The following NCAPH variants were observed in gnomAD, a reference collection of about 807,000 sequenced individuals.
NCAPH encodes the protein condensin complex subunit 2.
A neutral mutation model predicts 85.5 loss-of-function variants in NCAPH; 38 were observed. The ratio of observed to expected loss-of-function variants is 0.44; its 90% CI spans 0.34 to 0.58. NCAPH has a LOEUF of 0.58. Ranked by LOEUF, NCAPH falls within the 20% of genes least tolerant of loss-of-function variation. The probability of loss-of-function intolerance (pLI) is 0.01; values close to 1 mark genes in which losing one functional copy is unlikely to be tolerated. For synonymous variants in NCAPH, 301 were observed against 335.1 expected (o/e 0.90, Z 1.11); for missense variants, 789 against 916.6 (o/e 0.86, Z 1.80).
chr2:96,369,781 CTTTT>C (rs2064748181), intron 17 of NCAPH, among the ~76,000 whole-genome samples: 1 of 152,190 alleles, frequency 6.6e-6, no homozygotes, highest in South Asian at 2.1e-4. Context: ...ACACGAGGTG[CTTTT>C]ACTTCACGGG....
Position 96,375,319 on chromosome 2 carries a change from T to A in NCAPH, c.*1968T>A, listed in dbSNP as rs1558807649. ...CCCTCATTACATGGTTGCTGTGGGCTATGTGTGCTGTGGTCTGAATGTTTG... is the reference window on the plus strand; with the variant it reads ...CCCTCATTACATGGTTGCTGTGGGCAATGTGTGCTGTGGTCTGAATGTTTG... On this transcript the variant is annotated 3_prime_UTR_variant, in exon 18 of 18. Coordinates refer to ENST00000240423, the MANE Select transcript of NCAPH (RefSeq NM_015341.5). Among the ~76,000 whole-genome samples the A allele has an allele frequency of 1.3e-5, 2 of 152,228 alleles. No homozygotes were observed. Among genetic ancestry groups the A allele is most frequent in the Non-Finnish European group, 2.9e-5 (2 of 68,042 alleles).
intron 4 of NCAPH, 56 bp from the exon 5 acceptor site, chr2:96,343,110 G>A: frequency 6.2e-7 from 1 of 1,601,042 alleles, no homozygotes; most frequent in Non-Finnish European, 8.5e-7. Flanking sequence ...TGTTTTACCT[G>A]TTCAGAAGTT....
At chr2:96,362,642 C>G (rs1181527123) in intron 12 of NCAPH, among the ~76,000 whole-genome samples, 1 of 152,084 alleles carries the variant, frequency 6.6e-6, no homozygotes, top group African/African-American at 2.4e-5. Context: ...AAAAAGACTT[C>G]AGTGGAGGAA....
intron 17 of NCAPH, among the ~76,000 whole-genome samples, chr2:96,369,792 C>T (rs918637233): frequency 2.6e-5 from 4 of 152,092 alleles, no homozygotes; most frequent in Non-Finnish European, 1.5e-5. Context: ...TTTTACTTCA[C>T]GGGGTGTCAA....
chr2:96,335,844 C>A lies in NCAPH; in HGVS notation c.15C>A (p.Gly5=). The stretch of plus-strand genomic sequence containing the variant: ...GCCAAGGAAAGATGGGACCTCCCGG[C>A]CCAGGTGAGCCGGGCGGTCGGGAGG... The part of the protein sequence containing the change: MGPP[G]PALPATMNNS... The change falls in exon 1 of 18, where the codon GGC becomes GGA. Residue 5 remains glycine, a synonymous_variant. Coordinates refer to ENST00000240423, the MANE Select transcript of NCAPH (RefSeq NM_015341.5). 6.7e-7 allele frequency: 1 copy of A among 1,491,860 alleles called. No homozygotes were observed. The highest frequency in any genetic ancestry group is 8.9e-7 in the Non-Finnish European group (1 of 1,124,228). The allele number at this position is 1,491,860 out of a possible 1,614,324, so 92.4% of individuals were successfully genotyped here. A position where few individuals can be genotyped will look rare whatever the true frequency, so the allele number is the denominator to read the frequency against.
chr2:96,372,257 T>C (rs1368321816), intron 17 of NCAPH, among the ~76,000 whole-genome samples: 1 of 151,602 alleles, frequency 6.6e-6, no homozygotes, highest in Non-Finnish European at 1.5e-5. Context: ...TGGCAGGAGG[T>C]CACTGCTGTC....
Position 96,342,158 on chromosome 2 carries a change from T to C in NCAPH, c.363+18T>C. On this transcript the variant is annotated intron_variant, in intron 3 of 17. Transcript: ENST00000240423. ...CTGAAAATGTGAGTATTTGCTGGTT[T>C]ATTATTGAAGACGTAATCCCTTGAT... is the stretch of plus-strand genomic sequence containing the variant. 1.9e-6 allele frequency: 3 copies of C among 1,569,750 alleles called. No individual in the cohort carries two copies. The South Asian group carries it at 3.3e-5, about 17-fold the overall frequency.
At chr2:96,351,673 AAAAAAAAAAAAAC>A (rs2064443930) in intron 6 of NCAPH, among the ~76,000 whole-genome samples, 145 bp from the exon 7 acceptor site, 1 of 152,026 alleles carries the variant, frequency 6.6e-6, no homozygotes, top group African/African-American at 2.4e-5. Context: ...ATCTCAAAAA[AAAAAAAAAAAAAC>A]AAAAACAAAC....
chr2:96,350,138 A>G (rs927101886), intron 6 of NCAPH, among the ~76,000 whole-genome samples: 1 of 152,228 alleles, frequency 6.6e-6, no homozygotes, highest in African/African-American at 2.4e-5. Context: ...AGTCTATTGT[A>G]AGGCCTTTTA....
At chr2:96,373,027 C>T (rs1183588396) in intron 17 of NCAPH, among the ~76,000 whole-genome samples, 1 of 152,132 alleles carries the variant, frequency 6.6e-6, no homozygotes, top group Non-Finnish European at 1.5e-5. Context: ...GACGGCTCAG[C>T]TCTTAGGCCC....
chr2:96,364,079 G>A (rs2064662784), intron 12 of NCAPH, among the ~76,000 whole-genome samples: 1 of 152,184 alleles, frequency 6.6e-6, no homozygotes, highest in Non-Finnish European at 1.5e-5. Flanking sequence ...TGGGATTACA[G>A]GTGTGAGTCA....
intron 17 of NCAPH, 149 bp downstream of exon 17, chr2:96,369,649 G>A (rs895965552): frequency 7.9e-6 from 6 of 763,178 alleles, no homozygotes; most frequent in African/African-American, 1.7e-5. Flanking sequence ...GATTAGCCAG[G>A]CATCTAGAAG....
Position 96,367,292 on chromosome 2 carries a change from C to G in NCAPH, c.1917C>G (p.Ala639=). Reference sequence around the variant, plus strand: ...TTGAAATTCACTATGCCAAGACTGCCAAAAAGATGGACATGAAGAAACTGA... The same window carrying G: ...TTGAAATTCACTATGCCAAGACTGCGAAAAAGATGGACATGAAGAAACTGA... ...NKIEIHYAKT[A]KKMDMKKLKQ... The change falls in exon 15 of 18, where the codon GCC becomes GCG. Residue 639 remains alanine (A), a synonymous_variant. Coordinates refer to ENST00000240423, the MANE Select transcript of NCAPH (RefSeq NM_015341.5). The G allele has an allele frequency of 6.2e-7, 1 of 1,613,280 alleles. No individual in the cohort carries two copies. The highest frequency in any genetic ancestry group is 8.5e-7 in the Non-Finnish European group (1 of 1,179,472).
chr2:96,360,086 T>C (rs2064583890), intron 10 of NCAPH, 57 bp from the exon 11 acceptor site: 1 of 979,616 alleles, frequency 1.0e-6, no homozygotes, highest in Non-Finnish European at 1.6e-6. Flanking sequence ...TCTTGTGAAA[T>C]GAGTAAATAG....
chr2:96,342,229 C>G, intron 3 of NCAPH, 89 bp downstream of exon 3: 1 of 1,180,946 alleles, frequency 8.5e-7, no homozygotes, highest in Non-Finnish European at 1.3e-6. Flanking sequence ...AATGCACAAT[C>G]AATGATGATA....
At chr2:96,348,765 C>T (rs1472007333) in intron 6 of NCAPH, among the ~76,000 whole-genome samples, 2 of 152,044 alleles carry the variant, frequency 1.3e-5, no homozygotes, top group Admixed American at 6.6e-5. Context: ...AAACGATTCT[C>T]GTGCCTCAGC....
chr2:96,354,451 TC>T (rs1257033072), intron 9 of NCAPH, 63 bp downstream of exon 9: 4 of 1,303,256 alleles, frequency 3.1e-6, no homozygotes, highest in Non-Finnish European at 4.0e-6. Context: ...TTTTTCTTTT[TC>T]TTTTTTTTCT....
intron 6 of NCAPH, among the ~76,000 whole-genome samples, chr2:96,348,848 C>T (rs1446726120): frequency 1.3e-5 from 2 of 151,960 alleles, no homozygotes; most frequent in African/African-American, 4.8e-5. Flanking sequence ...TGGGGTTTCA[C>T]CATGGTGACC....
At chr2:96,351,757 C>A in intron 6 of NCAPH, 74 bp from the exon 7 acceptor site, 1 of 1,331,440 alleles carries the variant, frequency 7.5e-7, no homozygotes, top group Non-Finnish European at 1.0e-6. Context: ...ATGAGTGGGG[C>A]CAAATGCATG....
Sources: gnomAD v4.1 joint callset for allele counts (sites outside exome capture counted in the v4.1 genomes callset) on GRCh38, gnomAD v4.1.1 for gene constraint, MANE v1.5 for transcripts, NCBI Gene and HGNC (gene_info 2026-07-23, HGNC 2026-07-21) for gene names.